PSMD9: variants seen among roughly 807,000 people sequenced by gnomAD.
PSMD9 encodes proteasome 26S subunit, non-ATPase 9.
PSMD9 carries 26 observed loss-of-function variants against 25.9 expected under a neutral mutation model. The observed-to-expected ratio is 1.00, with a 90% CI of 0.73 to 1.39. The LOEUF (loss-of-function observed/expected upper bound fraction) is 1.39, where lower values mean the gene tolerates loss of function less well. Ranked by LOEUF, PSMD9 falls within the 40% of genes most tolerant of loss-of-function variation. The pLI is 0.00. For missense variants in PSMD9, 303 were observed against 299.3 expected (o/e 1.01, Z -0.09); for synonymous variants, 110 against 114.5 (o/e 0.96, Z 0.25).
At chr12:121,908,531 C>T (rs1263514154) in intron 4 of PSMD9, among the ~76,000 whole-genome samples, 1 of 152,126 alleles carries the variant, frequency 6.6e-6, no homozygotes, top group Non-Finnish European at 1.5e-5. Context: ...AGTGCCTCTT[C>T]CGCTGCACAT....
rs551601737 is a variant in PSMD9 at position 121,916,445 on chromosome 12, G to A, written c.*134G>A. 6.3e-5 allele frequency: 70 copies of A among 1,115,942 alleles called. No individual in the cohort carries two copies. The highest frequency in any genetic ancestry group is 6.0e-4 in the Middle Eastern group (3 of 5,008). 69.1% of individuals were successfully genotyped at this position (1,115,942 alleles called of 1,614,324 possible). On this transcript the variant is annotated 3_prime_UTR_variant, in exon 6 of 6. Coordinates refer to ENST00000541212, the MANE Select transcript of PSMD9 (RefSeq NM_002813.7). ...TTGTAACCTGAACTTCTGTGTGGTGGCAGTACTGTGGCCCACCAGTGTAAT... is the reference window on the plus strand; with the variant it reads ...TTGTAACCTGAACTTCTGTGTGGTGACAGTACTGTGGCCCACCAGTGTAAT...
chr12:121,895,164 G>C (rs1879196724), intron 2 of PSMD9, among the ~76,000 whole-genome samples: 1 of 151,804 alleles, frequency 6.6e-6, no homozygotes, highest in Non-Finnish European at 1.5e-5. Context: ...TTCTGCCTCA[G>C]CCTCCCAAGT....
At chr12:121,902,944 A>C in intron 3 of PSMD9, 62 bp from the exon 4 acceptor site, 2 of 1,363,784 alleles carry the variant, frequency 1.5e-6, no homozygotes, top group Non-Finnish European at 2.1e-6. Flanking sequence ...ATTGAAGGTT[A>C]GAGACCACCA....
chr12:121,906,250 C>T (rs1879550556), intron 4 of PSMD9, among the ~76,000 whole-genome samples: 1 of 151,960 alleles, frequency 6.6e-6, no homozygotes, highest in Admixed American at 6.6e-5. Context: ...TCTTGGTGGG[C>T]TGGAGGATGG....
chr12:121,909,791 C>T (rs994269475), intron 4 of PSMD9, among the ~76,000 whole-genome samples: 1 of 152,196 alleles, frequency 6.6e-6, no homozygotes, highest in Admixed American at 6.5e-5. Context: ...TAGCCAGCCT[C>T]CCATGTTCGA....
intron 2 of PSMD9, 28 bp from the exon 3 acceptor site, chr12:121,899,606 G>A (rs1196765303): frequency 6.4e-7 from 1 of 1,563,298 alleles, no homozygotes; most frequent in Non-Finnish European, 8.7e-7. Context: ...TGTCTTCCTT[G>A]GCCCCTGATG....
rs1879178497 is a variant in PSMD9 at position 121,894,640 on chromosome 12, GTCACC to G, written c.139-97_139-93del. 3 of 1,017,648 alleles carry G rather than the reference GTCACC, an allele frequency of 2.9e-6. No individual in the cohort carries two copies. The South Asian group carries it at 4.3e-5, about 15-fold the overall frequency. 63.0% of individuals were successfully genotyped at this position (1,017,648 alleles called of 1,614,324 possible). On this transcript the variant is annotated intron_variant, in intron 1 of 5. Coordinates refer to ENST00000541212, the MANE Select transcript of PSMD9 (RefSeq NM_002813.7). ...TCAGTATGTGGCAGTTTTCATTACT[GTCACC>G]TTTATTATGACTTCAGAGGAGAAGG...
At chr12:121,903,816 G>A (rs1206982594) in intron 4 of PSMD9, among the ~76,000 whole-genome samples, 1 of 147,580 alleles carries the variant, frequency 6.8e-6, no homozygotes, top group Non-Finnish European at 1.5e-5. Context: ...GTGTGGTGGT[G>A]CTATCATAAC....
At chr12:121,893,498 C>T (rs1226634382) in intron 1 of PSMD9, among the ~76,000 whole-genome samples, 1 of 152,204 alleles carries the variant, frequency 6.6e-6, no homozygotes, top group Non-Finnish European at 1.5e-5. Flanking sequence ...TGACTTAAAA[C>T]AGGAATTTAC....
At chr12:121,912,398 C>G (rs959658615) in intron 4 of PSMD9, among the ~76,000 whole-genome samples, 2 of 152,132 alleles carry the variant, frequency 1.3e-5, no homozygotes, top group African/African-American at 4.8e-5. Context: ...CACATTCCCA[C>G]CAGTGGTGCA....
At chr12:121,902,607 A>C in intron 3 of PSMD9, 1 of 186,872 alleles carries the variant, frequency 5.4e-6, no homozygotes, top group Non-Finnish European at 1.1e-5. Context: ...TTCTAGGGCA[A>C]GTGTCTTGTC....
chr12:121,912,135 G>C (rs545074348), intron 4 of PSMD9, among the ~76,000 whole-genome samples: 9 of 151,778 alleles, frequency 5.9e-5, no homozygotes, highest in African/African-American at 1.9e-4. Context: ...GACTTCCCAG[G>C]CTCAAGCAAT....
At chr12:121,911,773 C>T (rs1428653427) in intron 4 of PSMD9, among the ~76,000 whole-genome samples, 3 of 151,214 alleles carry the variant, frequency 2.0e-5, no homozygotes, top group Admixed American at 6.6e-5. Context: ...CTGTCTTAGC[C>T]TCCTGAGTAG....
chr12:121,915,914 C>T lies in PSMD9; in HGVS notation c.614C>T (p.Pro205Leu). 1 of 1,613,920 alleles carries T rather than the reference C, an allele frequency of 6.2e-7. No homozygotes were observed. The highest frequency in any genetic ancestry group is 1.1e-5 in the South Asian group (1 of 91,020). ...GAAAAACACCAGCTTAGACTTGTTC[C>T]AACACGCTGGGCAGGAAAAGGACTG... is the stretch of plus-strand genomic sequence containing the variant. ...RGEKHQLRLV[P>L]TRWAGKGLLG... The change falls in exon 5 of 6, where the codon CCA becomes CTA. Residue 205 changes from proline to leucine, a missense_variant. Pro to Leu is a moderately conservative substitution (Grantham distance 98). Coordinates refer to ENST00000541212, the MANE Select transcript of PSMD9 (RefSeq NM_002813.7).
At chr12:121,906,138 T>C (rs1368894805) in intron 4 of PSMD9, among the ~76,000 whole-genome samples, 2 of 152,214 alleles carry the variant, frequency 1.3e-5, no homozygotes, top group Non-Finnish European at 2.9e-5. Flanking sequence ...TTATAAATCC[T>C]TCTTTATAAA....
rs1879905768 is a variant in PSMD9, at chr12:121,916,453, G to A, written c.*142G>A. 2 of 1,035,832 alleles carry A rather than the reference G, an allele frequency of 1.9e-6. No individual in the cohort carries two copies. Among genetic ancestry groups the A allele is most frequent in the South Asian group, 2.6e-5 (2 of 76,156 alleles). 64.2% of individuals were successfully genotyped at this position (1,035,832 alleles called of 1,614,324 possible). Reference sequence around the variant, plus strand: ...TGAACTTCTGTGTGGTGGCAGTACTGTGGCCCACCAGTGTAATCTCCCTGG... The same window carrying A: ...TGAACTTCTGTGTGGTGGCAGTACTATGGCCCACCAGTGTAATCTCCCTGG... On this transcript the variant is annotated 3_prime_UTR_variant, in exon 6 of 6. Coordinates refer to ENST00000541212, the MANE Select transcript of PSMD9 (RefSeq NM_002813.7).
At chr12:121,909,669 G>A (rs984874021) in intron 4 of PSMD9, among the ~76,000 whole-genome samples, 9 of 152,062 alleles carry the variant, frequency 5.9e-5, no homozygotes, top group Non-Finnish European at 1.5e-5. Flanking sequence ...TAATGTACAT[G>A]TTACTCTGCA....
At chr12:121,911,499 T>C (rs1879719780) in intron 4 of PSMD9, among the ~76,000 whole-genome samples, 1 of 152,146 alleles carries the variant, frequency 6.6e-6, no homozygotes, top group African/African-American at 2.4e-5. Context: ...GCTTCCACCT[T>C]TTTGTTGTGA....
chr12:121,899,289 G>C, intron 2 of PSMD9: 1 of 277,610 alleles, frequency 3.6e-6, no homozygotes, highest in South Asian at 5.7e-5. Flanking sequence ...TGTGGATTCA[G>C]CTGGTTGTTA....
Sources: allele counts gnomAD v4.1 joint callset (sites outside exome capture counted in the v4.1 genomes callset), GRCh38; gene constraint gnomAD v4.1.1; transcripts MANE v1.5; gene names NCBI Gene and HGNC (gene_info 2026-07-23, HGNC 2026-07-21).